Variants in C16orf46 observed in about 807,000 individuals in gnomAD.
C16orf46 encodes chromosome 16 open reading frame 46.
In C16orf46, 7 loss-of-function variants were observed where a neutral mutation model predicts 5.5. That is an observed-to-expected ratio of 1.28 (90% CI 0.73 to 2.40). C16orf46 has a LOEUF of 2.40. Among genes scored for constraint, C16orf46 ranks in the 30% most tolerant of loss-of-function variants. The pLI is 0.00. For synonymous variants in C16orf46, 200 were observed against 184.1 expected, an observed-to-expected ratio of 1.09 and a Z score of -0.70; for missense variants, 614 against 476.0, an observed-to-expected ratio of 1.29 and a Z score of -2.70.
chr16:81,065,980 G>A (rs563285941), intron 2 of C16orf46, among the ~76,000 whole-genome samples: 45 of 151,994 alleles, frequency 3.0e-4, no homozygotes, highest in African/African-American at 9.7e-4. Context: ...CCGCTTCCCA[G>A]GTTCAAGCAA....
At chr16:81,057,609 A>AC (rs1262937315), downstream of C16orf46, among the ~76,000 whole-genome samples, 12 of 152,216 alleles carry the variant, frequency 7.9e-5, no homozygotes, top group South Asian at 1.7e-3. Flanking sequence ...TAAAAAAAAA[A>AC]ACTAAAATTT....
Position 81,064,763 on chromosome 16 carries a change from AG to A in C16orf46, c.-38-771del, listed in dbSNP as rs1164139641. On this transcript the variant is annotated intron_variant, in intron 2 of 3. Transcript: ENST00000299578. ...CTCTGTCTCAAAAAAAAAAAAAAAA[AG>A]AAGATATGAAGAGACATAGGGAGAA... 2.9e-3 allele frequency among the ~76,000 whole-genome samples: 386 copies of A among 135,000 alleles called. 3 individuals carry two copies. Among genetic ancestry groups the A allele is most frequent in the African/African-American group, 9.9e-3 (371 of 37,300 alleles). The allele number at this position is 135,000 out of a possible 152,430, so 88.6% of individuals were successfully genotyped here. A position where few individuals can be genotyped will look rare whatever the true frequency, so the allele number is the denominator to read the frequency against.
chr16:81,054,274 ACAACAAC>A (rs1971232367), intron 3 of C16orf46, among the ~76,000 whole-genome samples: 3 of 17,788 alleles, frequency 1.7e-4, no homozygotes, highest in Admixed American at 1.2e-3. Context: ...AACAACAACA[ACAACAAC>A]AAAAAAAAAC....
intron 1 of C16orf46, among the ~76,000 whole-genome samples, chr16:81,071,542 T>C (rs1205282088): frequency 6.6e-6 from 1 of 152,068 alleles, no homozygotes; most frequent in East Asian, 1.9e-4. Context: ...AGCTCAAGAA[T>C]TTGACAACAG....
chr16:81,075,258 C>CT (rs754239501), intron 1 of C16orf46, among the ~76,000 whole-genome samples: 5 of 6,056 alleles, frequency 8.3e-4, no homozygotes, highest in African/African-American at 1.3e-3. Context: ...CTCTCTCTCT[C>CT]TTTTTTTTTT....
Position 81,061,191 on chromosome 16 carries a change from G to A in C16orf46, c.1158C>T (p.Ile386=). 6.2e-7 allele frequency: 1 copy of A among 1,613,262 alleles called. No individual in the cohort carries two copies. The highest frequency in any genetic ancestry group is 1.7e-5 in the Admixed American group (1 of 59,950). ...VLPSLTVSRV[I]IPVSTHRIL is the part of the protein sequence containing the mutation. ...GGATCCTGTGGGTAGAGACAGGAAT[G>A]ATAACTCTGCTCACTGTGAGAGACG... The change falls in exon 4 of 4, where the codon ATC becomes ATT. Residue 386 remains isoleucine (I), a synonymous_variant. Transcript: ENST00000299578.
intron 3 of C16orf46, among the ~76,000 whole-genome samples, chr16:81,055,112 G>A (rs1332681507): frequency 6.6e-6 from 1 of 152,166 alleles, no homozygotes; most frequent in East Asian, 1.9e-4. Context: ...CAGTCATGAG[G>A]ATTTCGTTGA....
downstream of C16orf46, chr16:81,060,260 G>T (rs1971424293): frequency 6.6e-6 from 1 of 152,180 alleles, no homozygotes; most frequent in South Asian, 2.1e-4. Flanking sequence ...TGACACCCTG[G>T]ACGCACAGGG....
At chr16:81,076,208 A>T (rs1190917575) in intron 1 of C16orf46, among the ~76,000 whole-genome samples, 1 of 152,210 alleles carries the variant, frequency 6.6e-6, no homozygotes, top group East Asian at 1.9e-4. Flanking sequence ...ATAGGTCCTG[A>T]AGACTGACCT....
At chr16:81,059,990 G>A (rs367687046), downstream of C16orf46, among the ~76,000 whole-genome samples, 83 of 151,630 alleles carry the variant, frequency 5.5e-4, no homozygotes, top group Non-Finnish European at 8.3e-4. Flanking sequence ...GGGTTTCACC[G>A]TGTTAGCCAG....
At chr16:81,068,254 G>A (rs1381615670) in intron 1 of C16orf46, among the ~76,000 whole-genome samples, 9 of 152,132 alleles carry the variant, frequency 5.9e-5, no homozygotes, top group Non-Finnish European at 1.0e-4. Context: ...CAAAGACAAC[G>A]GTTAAGCTAT....
chr16:81,071,160 G>A (rs1971838166), intron 1 of C16orf46, among the ~76,000 whole-genome samples: 1 of 152,106 alleles, frequency 6.6e-6, no homozygotes. Flanking sequence ...GCCCCACTAA[G>A]AATGAAAAGA....
At chr16:81,062,461 T>C (rs1971516883) in intron 3 of C16orf46, among the ~76,000 whole-genome samples, 1 of 152,240 alleles carries the variant, frequency 6.6e-6, no homozygotes, top group Admixed American at 6.5e-5. Flanking sequence ...CAACAGTATT[T>C]GTAAATGGCC....
chr16:81,061,820 T>C lies in C16orf46; in HGVS notation c.529A>G (p.Ile177Val). Reference protein sequence around the residue: ...EFIWCNKDWAIPGTNRGKASG... With the variant: ...EFIWCNKDWAVPGTNRGKASG... ...GCCTTGCCCCTATTAGTGCCGGGGA[T>C]GGCCCAGTCTTTGTTGCACCAAATA... Residue 177 changes from isoleucine to valine, a missense_variant, in exon 4 of 4, where the codon ATC becomes GTC. Physicochemically the swap from Ile to Val is conservative, Grantham distance 29. Transcript: ENST00000299578. 1 of 1,614,214 alleles carries C rather than the reference T, an allele frequency of 6.2e-7. No homozygotes were observed. Among genetic ancestry groups the C allele is most frequent in the Non-Finnish European group, 8.5e-7 (1 of 1,180,042 alleles).
At position 81,075,462 on chromosome 16, in the gene C16orf46, C is replaced by T. The variant is rs534933652; in HGVS notation, c.-128+1674G>A. ...AAAATTAGCCAGGCATGGTGGCTCA[C>T]GCCTGTAGTCCCAGCCACTTGGAAG... On this transcript the variant is annotated intron_variant, in intron 1 of 3. Transcript: ENST00000299578. Among the ~76,000 whole-genome samples the T allele has an allele frequency of 9.2e-5, 14 of 152,246 alleles. No homozygotes were observed. The South Asian group carries it at 1.2e-3, about 14-fold the overall frequency.
chr16:81,070,041 C>G (rs142027075), intron 1 of C16orf46: 1 of 152,070 alleles, frequency 6.6e-6, no homozygotes, highest in Non-Finnish European at 1.5e-5. Flanking sequence ...CAGAGAACTG[C>G]TTGAACCCAA....
chr16:81,063,838 G>T lies in C16orf46; in HGVS notation c.118C>A (p.His40Asn), dbSNP rs767306773. The T allele has an allele frequency of 2.5e-6, 4 of 1,613,736 alleles. No individual in the cohort carries two copies. Among genetic ancestry groups the T allele is most frequent in the South Asian group, 1.1e-5 (1 of 91,058 alleles). ...TCPDGKSEKN[H>N]VYCLLDVSDI... ...CTGACATCGAGAAGACAATAAACAT[G>T]ATTTTTTTCACTTTTTCCATCTGGA... The change falls in exon 3 of 4, where the codon CAT becomes AAT. Residue 40 changes from histidine to asparagine, a missense_variant. Physicochemically the swap from His to Asn is moderately conservative, Grantham distance 68 (BLOSUM62 1). Coordinates refer to ENST00000299578, the MANE Select transcript of C16orf46 (RefSeq NM_152337.3).
chr16:81,074,195 C>T (rs1971949376), intron 1 of C16orf46, among the ~76,000 whole-genome samples: 1 of 152,174 alleles, frequency 6.6e-6, no homozygotes, highest in Non-Finnish European at 1.5e-5. Context: ...ATACAAATCT[C>T]AAGTTCCTCA....
chr16:81,058,461 G>C (rs1189923430), downstream of C16orf46, among the ~76,000 whole-genome samples: 1 of 152,168 alleles, frequency 6.6e-6, no homozygotes, highest in Non-Finnish European at 1.5e-5. Context: ...GACTGGTACA[G>C]TGGAAATACA....
Sources: allele counts gnomAD v4.1 joint callset (sites outside exome capture counted in the v4.1 genomes callset), GRCh38; gene constraint gnomAD v4.1.1; transcripts MANE v1.5; gene names NCBI Gene and HGNC (gene_info 2026-07-23, HGNC 2026-07-21).